DRD5: variants seen among roughly 807,000 people sequenced by gnomAD.
The protein encoded by DRD5 is dopamine receptor D5.
For missense variants in DRD5, 758 were observed against 657.8 expected, an observed-to-expected ratio of 1.15 and a Z score of -1.67; for synonymous variants, 327 against 277.1, an observed-to-expected ratio of 1.18 and a Z score of -1.79.
At position 9,783,046 on chromosome 4, in the gene DRD5, C is replaced by T. The variant is rs1718708114; in HGVS notation, c.1017C>T (p.Thr339=). The change falls in exon 1 of 1, where the codon ACC becomes ACT. Residue 339 remains threonine (T), a synonymous_variant. Transcript: ENST00000304374. ...PPAGFPCVSE[T]TFDVFVWFGW... ...CCGGCTTCCCCTGCGTCAGTGAGAC[C>T]ACCTTCGACGTCTTCGTCTGGTTCG... The T allele has an allele frequency of 1.2e-6, 2 of 1,614,220 alleles. No individual in the cohort carries two copies. Among genetic ancestry groups the T allele is most frequent in the African/African-American group, 1.3e-5 (1 of 75,074 alleles).
In DRD5 at chr4:9,783,583, T is replaced by G. The variant is rs189072747; in HGVS notation, c.*120T>G. ...CCCTTTATCATGTGTTTCTGTGTAG[T>G]AGCTCGTGTGCTTAGAAACCTCACC... On this transcript the variant is annotated 3_prime_UTR_variant, in exon 1 of 1. Coordinates refer to ENST00000304374, the MANE Select transcript of DRD5 (RefSeq NM_000798.5). 857 of 979,856 alleles carry G rather than the reference T, an allele frequency of 8.7e-4. No individual in the cohort carries two copies. Among genetic ancestry groups the G allele is most frequent in the Non-Finnish European group, 8.9e-4 (594 of 670,318 alleles). The allele number at this position is 979,856 out of a possible 1,614,324, so 60.7% of individuals were successfully genotyped here.
rs2108850887 is a variant in DRD5, at chr4:9,782,313, T to C, written c.284T>C (p.Met95Thr). 1 of 1,614,032 alleles carries C rather than the reference T, an allele frequency of 6.2e-7. No homozygotes were observed. The highest frequency in any genetic ancestry group is 1.1e-5 in the South Asian group (1 of 91,078). Reference protein sequence around the residue: ...VSDLFVALLVMPWKAVAEVAG... With the variant: ...VSDLFVALLVTPWKAVAEVAG... ...GACCTTTTCGTGGCGCTGCTGGTCA[T>C]GCCCTGGAAGGCAGTCGCCGAGGTG... is the stretch of plus-strand genomic sequence containing the variant. The change falls in exon 1 of 1, where the codon ATG (methionine) becomes ACG (threonine). Residue 95 changes from methionine to threonine, a missense_variant. Met to Thr is a moderately conservative substitution (Grantham distance 81). Coordinates refer to ENST00000304374, the MANE Select transcript of DRD5 (RefSeq NM_000798.5).
chr4:9,782,648 T>A lies in DRD5; in HGVS notation c.619T>A (p.Phe207Ile). 6.2e-7 allele frequency: 1 copy of A among 1,613,972 alleles called. No homozygotes were observed. The highest frequency in any genetic ancestry group is 8.5e-7 in the Non-Finnish European group (1 of 1,179,864). Residue 207 changes from phenylalanine (F) to isoleucine (I), a missense_variant, in exon 1 of 1, where the codon TTT becomes ATT. Phe to Ile is a conservative substitution (Grantham distance 21). Coordinates refer to ENST00000304374, the MANE Select transcript of DRD5 (RefSeq NM_000798.5). ...LANWTPWEED[F>I]WEPDVNAENC... The stretch of plus-strand genomic sequence containing the variant: ...CAACTGGACGCCCTGGGAGGAGGAC[T>A]TTTGGGAGCCCGACGTGAATGCAGA...
chr4:9,781,871 G>A lies in DRD5; in HGVS notation c.-159G>A. On this transcript the variant is annotated 5_prime_UTR_variant, in exon 1 of 1. Coordinates refer to ENST00000304374, the MANE Select transcript of DRD5 (RefSeq NM_000798.5). ...TTCAGGAGGCAAGAGAAGTCCCCGCGCGCTCCGCAGCCCGGCGCAGCTCAT... is the reference window on the plus strand; with the variant it reads ...TTCAGGAGGCAAGAGAAGTCCCCGCACGCTCCGCAGCCCGGCGCAGCTCAT... The A allele has an allele frequency of 1.7e-6, 1 of 572,934 alleles. No individual in the cohort carries two copies. The highest frequency in any genetic ancestry group is 4.1e-5 in the South Asian group (1 of 24,508). 35.5% of individuals were successfully genotyped at this position (572,934 alleles called of 1,614,324 possible).
Position 9,783,070 on chromosome 4 carries a change from C to G in DRD5, c.1041C>G (p.Phe347Leu). 1.9e-6 allele frequency: 3 copies of G among 1,614,234 alleles called. No individual in the cohort carries two copies. Among genetic ancestry groups the G allele is most frequent in the African/African-American group, 1.3e-5 (1 of 75,064 alleles). ...CCACCTTCGACGTCTTCGTCTGGTTCGGCTGGGCTAACTCCTCACTCAACC... is the reference window on the plus strand; with the variant it reads ...CCACCTTCGACGTCTTCGTCTGGTTGGGCTGGGCTAACTCCTCACTCAACC... ...SETTFDVFVWFGWANSSLNPV... is the reference protein window; with the variant it reads ...SETTFDVFVWLGWANSSLNPV... Residue 347 changes from phenylalanine to leucine, a missense_variant, in exon 1 of 1, where the codon TTC becomes TTG. Physicochemically the swap from Phe to Leu is conservative, Grantham distance 22. Transcript: ENST00000304374.
Position 9,782,724 on chromosome 4 carries a change from T to G in DRD5, c.695T>G (p.Ile232Ser). The G allele has an allele frequency of 6.2e-7, 1 of 1,614,006 alleles. No individual in the cohort carries two copies. The highest frequency in any genetic ancestry group is 8.5e-7 in the Non-Finnish European group (1 of 1,179,860). Residue 232 changes from isoleucine to serine, a missense_variant, in exon 1 of 1, where the codon ATC (isoleucine) becomes AGC (serine). Ile to Ser is a moderately radical substitution (Grantham distance 142, BLOSUM62 -2). Transcript: ENST00000304374. The part of the protein sequence containing the change: ...NRTYAISSSL[I>S]SFYIPVAIMI... ...ACCTACGCCATCTCTTCCTCGCTCA[T>G]CAGCTTCTACATCCCCGTTGCCATC...
chr4:9,783,228 T>C lies in DRD5; in HGVS notation c.1199T>C (p.Ile400Thr). The change falls in exon 1 of 1, where the codon ATC (isoleucine) becomes ACC (threonine). Residue 400 changes from isoleucine (I) to threonine (T), a missense_variant. Physicochemically the swap from Ile to Thr is moderately conservative, Grantham distance 89 (BLOSUM62 -1). Transcript: ENST00000304374. The part of the protein sequence containing the change: ...SNELISYNQD[I>T]VFHKEIAAAY... Reference sequence around the variant, plus strand: ...GAGCTCATCTCCTACAACCAAGACATCGTCTTCCACAAGGAAATCGCAGCT... The same window carrying C: ...GAGCTCATCTCCTACAACCAAGACACCGTCTTCCACAAGGAAATCGCAGCT... 1.2e-6 allele frequency: 2 copies of C among 1,614,136 alleles called. No individual in the cohort carries two copies. Among genetic ancestry groups the C allele is most frequent in the Non-Finnish European group, 1.7e-6 (2 of 1,180,030 alleles).
rs1272322308 is a variant in DRD5 at position 9,782,521 on chromosome 4, A to G, written c.492A>G (p.Ala164=). The G allele has an allele frequency of 3.1e-6, 5 of 1,613,856 alleles. No homozygotes were observed. In the African/African-American group the frequency reaches 4.0e-5, roughly 13 times the overall value. Residue 164 remains alanine, a synonymous_variant, in exon 1 of 1, where the codon GCA becomes GCG. Transcript: ENST00000304374. ...QRMALVMVGL[A]WTLSILISFI... is the part of the protein sequence containing the mutation. Reference sequence around the variant, plus strand: ...TGGCCTTGGTCATGGTCGGCCTGGCATGGACCTTGTCCATCCTCATCTCCT... The same window carrying G: ...TGGCCTTGGTCATGGTCGGCCTGGCGTGGACCTTGTCCATCCTCATCTCCT...
At position 9,782,278 on chromosome 4, in the gene DRD5, G is replaced by A. The variant is rs767483503; in HGVS notation, c.249G>A (p.Leu83=). 2.5e-6 allele frequency: 4 copies of A among 1,613,966 alleles called. No individual in the cohort carries two copies. The highest frequency in any genetic ancestry group is 1.7e-4 in the Middle Eastern group (1 of 6,020). The change falls in exon 1 of 1, where the codon CTG becomes CTA. Residue 83 remains leucine, a synonymous_variant. Transcript: ENST00000304374. ...ANMTNVFIVS[L]AVSDLFVALL... ...TGACCAACGTCTTCATCGTGTCTCT[G>A]GCCGTGTCAGACCTTTTCGTGGCGC...
At position 9,783,420 on chromosome 4, in the gene DRD5, C is replaced by A; in HGVS notation, c.1391C>A (p.Ser464Tyr). Reference protein sequence around the residue: ...VWELDCEGEISLDKITPFTPN... With the variant: ...VWELDCEGEIYLDKITPFTPN... ...GAGCTGGACTGCGAGGGGGAGATTT[C>A]TTTAGACAAAATAACACCTTTCACC... The change falls in exon 1 of 1, where the codon TCT becomes TAT. Residue 464 changes from serine to tyrosine, a missense_variant. Transcript: ENST00000304374. 1 of 1,613,722 alleles carries A rather than the reference C, an allele frequency of 6.2e-7. No homozygotes were observed. Among genetic ancestry groups the A allele is most frequent in the East Asian group, 2.2e-5 (1 of 44,878 alleles).
At position 9,782,945 on chromosome 4, in the gene DRD5, G is replaced by T; in HGVS notation, c.916G>T (p.Val306Leu). ...CCTGTCGGTGATCATGGGGGTCTTC[G>T]TGTGTTGCTGGCTGCCCTTCTTCAT... The part of the protein sequence containing the change: ...KTLSVIMGVF[V>L]CCWLPFFILN... Residue 306 changes from valine (V) to leucine (L), a missense_variant, in exon 1 of 1, where the codon GTG (valine) becomes TTG (leucine). By Grantham distance (32) the Val-to-Leu change is conservative (BLOSUM62 1). Coordinates refer to ENST00000304374, the MANE Select transcript of DRD5 (RefSeq NM_000798.5). The T allele has an allele frequency of 6.2e-7, 1 of 1,613,876 alleles. No individual in the cohort carries two copies. Among genetic ancestry groups the T allele is most frequent in the Non-Finnish European group, 8.5e-7 (1 of 1,179,912 alleles).
rs144132215 is a variant in DRD5, at chr4:9,782,597, G to T, written c.568G>T (p.Gly190Trp). 3.1e-6 allele frequency: 5 copies of T among 1,613,942 alleles called. No homozygotes were observed. In the Admixed American group the frequency reaches 8.3e-5, roughly 27 times the overall value. ...CAGGGACCAGGCGGCCTCTTGGGGC[G>T]GGCTGGACCTGCCAAACAACCTGGC... ...WHRDQAASWG[G>W]LDLPNNLANW... The change falls in exon 1 of 1, where the codon GGG (glycine) becomes TGG (tryptophan). Residue 190 changes from glycine (G) to tryptophan (W), a missense_variant. Coordinates refer to ENST00000304374, the MANE Select transcript of DRD5 (RefSeq NM_000798.5).
Position 9,781,821 on chromosome 4 carries a change from A to AC in DRD5, c.-207dup. ...CCCATCGCGGAGACTGGAGGGGCGC[A>AC]CCACGGCCATGGAGCCAGAGGCGCT... On this transcript the variant is annotated 5_prime_UTR_variant, in exon 1 of 1. Transcript: ENST00000304374. 1 of 439,712 alleles carries AC rather than the reference A, an allele frequency of 2.3e-6. No homozygotes were observed. The highest frequency in any genetic ancestry group is 3.9e-6 in the Non-Finnish European group (1 of 254,102). 27.2% of individuals were successfully genotyped at this position (439,712 alleles called of 1,614,324 possible).
chr4:9,782,125 G>A lies in DRD5; in HGVS notation c.96G>A (p.Gly32=), dbSNP rs565962667. The A allele has an allele frequency of 7.6e-5, 118 of 1,551,000 alleles. No homozygotes were observed. The highest frequency in any genetic ancestry group is 3.3e-4 in the Admixed American group (18 of 54,068). ...GGAACGCCGTGGGGGGCTCGGCGGG[G>A]GCACCGCCACTGGGGCCCTCACAGG... ...AQGNAVGGSA[G]APPLGPSQVV... Residue 32 remains glycine, a synonymous_variant, in exon 1 of 1, where the codon GGG becomes GGA. Coordinates refer to ENST00000304374, the MANE Select transcript of DRD5 (RefSeq NM_000798.5).
rs563301478 is a variant in DRD5 at position 9,783,467 on chromosome 4, G to T, written c.*4G>T. The T allele has an allele frequency of 2.9e-5, 46 of 1,593,442 alleles. No individual in the cohort carries two copies. The East Asian group carries it at 8.1e-4, about 28-fold the overall frequency. ...CACCCCGAATGGATTCCATTAAACT[G>T]CATTAAGAAACCCCCTCATGGATCT... On this transcript the variant is annotated 3_prime_UTR_variant, in exon 1 of 1. Coordinates refer to ENST00000304374, the MANE Select transcript of DRD5 (RefSeq NM_000798.5).
Position 9,781,660 on chromosome 4 carries a change from C to G in DRD5, c.-370C>G, listed in dbSNP as rs927974472. 5.2e-6 allele frequency: 1 copy of G among 192,820 alleles called. No homozygotes were observed. The allele number at this position is 192,820 out of a possible 1,614,324, so 11.9% of individuals were successfully genotyped here. Reference sequence around the variant, plus strand: ...GTGCCAGCCTGGCGCCCGCGACTGCCTGCCCCAGCCCCTCAGTGGCGGCTT... The same window carrying G: ...GTGCCAGCCTGGCGCCCGCGACTGCGTGCCCCAGCCCCTCAGTGGCGGCTT... On this transcript the variant is annotated 5_prime_UTR_variant, in exon 1 of 1. Transcript: ENST00000304374.
rs770204780 is a variant in DRD5 at position 9,783,170 on chromosome 4, C to T, written c.1141C>T (p.Arg381Cys). 2.5e-6 allele frequency: 4 copies of T among 1,614,224 alleles called. No individual in the cohort carries two copies. The highest frequency in any genetic ancestry group is 1.1e-5 in the South Asian group (1 of 91,084). ...GCTGGGGTGCAGCCACTTCTGCTCC[C>T]GCACGCCGGTGGAGACGGTGAACAT... is the stretch of plus-strand genomic sequence containing the variant. ...QLLGCSHFCS[R>C]TPVETVNISN... The change falls in exon 1 of 1, where the codon CGC becomes TGC. Residue 381 changes from arginine (R) to cysteine (C), a missense_variant. Arg to Cys is a radical substitution (Grantham distance 180). Transcript: ENST00000304374.
chr4:9,782,037 C>G lies in DRD5; in HGVS notation c.8C>G (p.Pro3Arg). The change falls in exon 1 of 1, where the codon CCG becomes CGG. Residue 3 changes from proline to arginine, a missense_variant. Coordinates refer to ENST00000304374, the MANE Select transcript of DRD5 (RefSeq NM_000798.5). Reference protein sequence around the residue: MLPPGSNGTAYPG... With the variant: MLRPGSNGTAYPG... Reference sequence around the variant, plus strand: ...CCTGCAGTCCAGCCCGAAATGCTGCCGCCAGGCAGCAACGGCACCGCGTAC... The same window carrying G: ...CCTGCAGTCCAGCCCGAAATGCTGCGGCCAGGCAGCAACGGCACCGCGTAC... The G allele has an allele frequency of 6.8e-7, 1 of 1,468,242 alleles. No individual in the cohort carries two copies. The highest frequency in any genetic ancestry group is 9.0e-7 in the Non-Finnish European group (1 of 1,114,724). 91.0% of individuals were successfully genotyped at this position (1,468,242 alleles called of 1,614,324 possible). A position where few individuals can be genotyped will look rare whatever the true frequency, so the allele number is the denominator to read the frequency against.
In DRD5 at chr4:9,783,109, C is replaced by T; in HGVS notation, c.1080C>T (p.Ala360=). ...ANSSLNPVIY[A]FNADFQKVFA... is the part of the protein sequence containing the mutation. ...CCTCACTCAACCCCGTCATCTATGC[C>T]TTCAACGCCGACTTTCAGAAGGTGT... Residue 360 remains alanine (A), a synonymous_variant, in exon 1 of 1, where the codon GCC becomes GCT. Transcript: ENST00000304374. 1 of 1,614,244 alleles carries T rather than the reference C, an allele frequency of 6.2e-7. No individual in the cohort carries two copies. The highest frequency in any genetic ancestry group is 2.2e-5 in the East Asian group (1 of 44,880).
Sources: gnomAD v4.1 joint callset for allele counts on GRCh38, gnomAD v4.1.1 for gene constraint, MANE v1.5 for transcripts, NCBI Gene and HGNC (gene_info 2026-07-23, HGNC 2026-07-21) for gene names.